LEPR: variants seen among roughly 807,000 people sequenced by gnomAD.
LEPR encodes the protein leptin receptor.
A neutral mutation model predicts 114.7 loss-of-function variants in LEPR; 56 were observed. The ratio of observed to expected loss-of-function variants is 0.49; its 90% CI spans 0.39 to 0.61. The LOEUF is 0.61. LEPR is among the 20% of genes least tolerant of loss of function. LEPR has a pLI of 0.00. For synonymous variants in LEPR, 443 were observed against 461.4 expected (o/e 0.96, Z 0.51); for missense variants, 1,202 against 1,352.9 (o/e 0.89, Z 1.75).
chr1:65,516,510 G>GT (rs1649296187), intron 2 of LEPR, among the ~76,000 whole-genome samples: 1 of 152,168 alleles, frequency 6.6e-6, no homozygotes, highest in East Asian at 1.9e-4. Context: ...TGTGTTTCCG[G>GT]CTCAAGCAGA....
chr1:65,529,493 C>A (rs1249298835), intron 2 of LEPR, among the ~76,000 whole-genome samples: 2 of 130,880 alleles, frequency 1.5e-5, no homozygotes, highest in African/African-American at 5.8e-5. Context: ...TGCACTCCAG[C>A]CTGGGAGACG....
At chr1:65,554,719 C>A (rs1410092645) in intron 2 of LEPR, among the ~76,000 whole-genome samples, 5 of 151,976 alleles carry the variant, frequency 3.3e-5, no homozygotes, top group African/African-American at 1.2e-4. Context: ...GTGAACGGTT[C>A]TGTCTGTCTT....
intron 19 of LEPR, chr1:65,630,515 T>C (rs1658473544): frequency 6.6e-6 from 1 of 152,132 alleles, no homozygotes; most frequent in Non-Finnish European, 1.5e-5. Context: ...GGTTATTTTT[T>C]GAAGAGACTT....
At chr1:65,551,717 C>G (rs1652380080) in intron 2 of LEPR, among the ~76,000 whole-genome samples, 1 of 152,060 alleles carries the variant, frequency 6.6e-6, no homozygotes, top group South Asian at 2.1e-4. Flanking sequence ...CAGTTCTGCC[C>G]TGATCTTAGT....
intron 18 of LEPR, 109 bp downstream of exon 18, chr1:65,621,567 A>G (rs147167826): frequency 1.6e-4 from 144 of 894,680 alleles, no homozygotes; most frequent in Non-Finnish European, 2.2e-4. Context: ...AAGTGCTTTT[A>G]TATGTAGTCT....
intron 2 of LEPR, among the ~76,000 whole-genome samples, chr1:65,536,228 TA>T (rs1650765493): frequency 6.6e-6 from 1 of 152,242 alleles, no homozygotes; most frequent in Admixed American, 6.5e-5. Context: ...CACTGATTTT[TA>T]AAAAGAGCTT....
intron 14 of LEPR, among the ~76,000 whole-genome samples, chr1:65,612,303 A>T (rs1216325530): frequency 6.6e-6 from 1 of 152,248 alleles, no homozygotes; most frequent in East Asian, 1.9e-4. Context: ...AGTTTTCTCT[A>T]GTATTAACAT....
At chr1:65,514,215 G>GATTCTGCC (rs1356063435) in intron 2 of LEPR, among the ~76,000 whole-genome samples, 207 of 152,326 alleles carry the variant, frequency 1.4e-3, no homozygotes, top group African/African-American at 4.6e-3. Flanking sequence ...TAGCTTTTCA[G>GATTCTGCC]ATAGTCAAGG....
At chr1:65,504,650 C>T (rs769381757) in intron 2 of LEPR, among the ~76,000 whole-genome samples, 4 of 152,072 alleles carry the variant, frequency 2.6e-5, no homozygotes, top group African/African-American at 4.8e-5. Context: ...GAGCAGTCTA[C>T]GGTGGCATGC....
intron 2 of LEPR, chr1:65,525,761 C>T (rs1339683650): frequency 2.0e-6 from 2 of 986,128 alleles, no homozygotes; most frequent in East Asian, 1.1e-4. Flanking sequence ...ACGCAGGTGC[C>T]CGAGCCCCGG....
Position 65,633,899 on chromosome 1 carries a change from C to A in LEPR, c.2674-2292C>A. On this transcript the variant is annotated intron_variant, in intron 19 of 19. Transcript: ENST00000349533. The surrounding 1 kb of genome is among the most constrained non-coding windows in gnomAD (Gnocchi z 4.1). The stretch of plus-strand genomic sequence containing the variant: ...TTCATATCAGGATGACCCTACATAC[C>A]CAGGTCAGATTGACGGGACCAGAAG... 1.0e-6 allele frequency: 1 copy of A among 985,350 alleles called. No homozygotes were observed. The highest frequency in any genetic ancestry group is 1.2e-6 in the Non-Finnish European group (1 of 829,914). 61.0% of individuals were successfully genotyped at this position (985,350 alleles called of 1,614,324 possible). A position where few individuals can be genotyped will look rare whatever the true frequency, so the allele number is the denominator to read the frequency against.
At chr1:65,583,292 C>T (rs1316755713) in intron 5 of LEPR, among the ~76,000 whole-genome samples, 1 of 152,196 alleles carries the variant, frequency 6.6e-6, no homozygotes, top group East Asian at 1.9e-4. Context: ...GAAAAACTTA[C>T]AGTGGGGCCA....
chr1:65,421,392 C>G (rs966145855), intron 1 of LEPR: 4 of 1,535,926 alleles, frequency 2.6e-6, no homozygotes, highest in Non-Finnish European at 1.7e-6. Context: ...AACACCGCGT[C>G]CCTTATCTGT....
At chr1:65,518,873 T>TTTC (rs1649435644) in intron 2 of LEPR, among the ~76,000 whole-genome samples, 2 of 117,216 alleles carry the variant, frequency 1.7e-5, no homozygotes, top group African/African-American at 6.9e-5. Context: ...CTTTCTTTCT[T>TTTC]TTTCTTTCTT....
chr1:65,579,535 A>G (rs1460996512), intron 5 of LEPR, among the ~76,000 whole-genome samples: 4 of 152,246 alleles, frequency 2.6e-5, no homozygotes, highest in Non-Finnish European at 4.4e-5. Context: ...TTTGAAGCTC[A>G]GGGCAGTTTC....
At chr1:65,426,489 G>T (rs1570421740) in intron 2 of LEPR, among the ~76,000 whole-genome samples, 1 of 152,080 alleles carries the variant, frequency 6.6e-6, no homozygotes, top group African/African-American at 2.4e-5. Flanking sequence ...AGACTAGATA[G>T]GAAAGAGCTG....
intron 3 of LEPR, among the ~76,000 whole-genome samples, chr1:65,568,501 A>T (rs200132062): frequency 2.0e-5 from 3 of 148,060 alleles, no homozygotes; most frequent in Non-Finnish European, 3.0e-5. Context: ...ATGGTGTGTG[A>T]GTGTGTGTGT....
intron 1 of LEPR, among the ~76,000 whole-genome samples, chr1:65,423,059 C>T (rs1646284150): frequency 6.6e-6 from 1 of 152,166 alleles, no homozygotes; most frequent in African/African-American, 2.4e-5. Flanking sequence ...ATCATGGTGT[C>T]AGTCCTCTAA....
chr1:65,446,213 C>T (rs1288272702), intron 2 of LEPR, among the ~76,000 whole-genome samples: 2 of 152,190 alleles, frequency 1.3e-5, no homozygotes, highest in Admixed American at 1.3e-4. Flanking sequence ...TACAATTTTG[C>T]ATTCCAACCA....
Sources: allele counts gnomAD v4.1 joint callset (sites outside exome capture counted in the v4.1 genomes callset), GRCh38; gene constraint gnomAD v4.1.1; non-coding constraint Gnocchi (gnomAD v3.1); transcripts MANE v1.5; gene names NCBI Gene and HGNC (gene_info 2026-07-23, HGNC 2026-07-21).